Variants in KCNT1 observed in about 807,000 individuals in gnomAD.
KCNT1 encodes potassium channel subfamily T member 1.
Under a neutral mutation model 147.8 loss-of-function variants are expected in KCNT1, and 78 were observed. That is an observed-to-expected ratio of 0.53 (90% CI 0.44 to 0.64). The LOEUF (loss-of-function observed/expected upper bound fraction) is 0.64, where lower values mean the gene tolerates loss of function less well. Ranked by LOEUF, KCNT1 falls within the 30% of genes least tolerant of loss-of-function variation. The probability of loss-of-function intolerance (pLI) is 0.00; values close to 1 mark genes in which losing one functional copy is unlikely to be tolerated. For synonymous variants in KCNT1, 867 were observed against 748.8 expected, an observed-to-expected ratio of 1.16 and a Z score of -2.58; for missense variants, 1,419 against 1,750.3, an observed-to-expected ratio of 0.81 and a Z score of 3.38.
Position 135,765,749 on chromosome 9 carries a change from C to A in KCNT1, c.1326C>A (p.Leu442=), listed in dbSNP as rs200910140. The A allele has an allele frequency of 8.0e-5, 127 of 1,596,142 alleles. No individual in the cohort carries two copies. Among genetic ancestry groups the A allele is most frequent in the Non-Finnish European group, 3.4e-5 (40 of 1,167,680 alleles). Residue 442 remains leucine, a synonymous_variant, in exon 13 of 31, where the codon CTC becomes CTA. Transcript: ENST00000371757. ...GCTCTGCACTCAAAGACCAGGACCT[C>A]ATGCGAGCCAAGTGAGTGCTGGTGG... ...LQGSALKDQD[L]MRAKMDNGEA... is the part of the protein sequence containing the mutation.
intron 1 of KCNT1, among the ~76,000 whole-genome samples, chr9:135,705,932 G>A (rs1327216654): frequency 6.6e-6 from 1 of 152,104 alleles, no homozygotes; most frequent in Non-Finnish European, 1.5e-5. Context: ...GAGGAGGGTG[G>A]CCTCACTGGA....
intron 24 of KCNT1, among the ~76,000 whole-genome samples, chr9:135,783,411 C>T (rs998441): frequency 0.12 from 17,682 of 152,240 alleles, 1,339 homozygotes; most frequent in South Asian, 0.18. Flanking sequence ...CCAGAGGGAG[C>T]GGGGCCCTGC....
chr9:135,727,536 G>A (rs1040709900), intron 2 of KCNT1, among the ~76,000 whole-genome samples: 19 of 151,878 alleles, frequency 1.3e-4, no homozygotes, highest in African/African-American at 4.1e-4. Context: ...GGCCCAGCCC[G>A]AGGGGCCTGG....
chr9:135,702,264 ACT>A lies in KCNT1; in HGVS notation c.8_9del (p.Leu3ProfsTer2). The A allele has an allele frequency of 1.2e-6, 2 of 1,606,098 alleles. No individual in the cohort carries two copies. The highest frequency in any genetic ancestry group is 1.7e-6 in the Non-Finnish European group (2 of 1,176,382). MP[L>X]PDGARTPGGV... ...GGTCCGAGCTGCCAGGCCGCATGCC[ACT>A]CCCTGACGGGGCGCGGACCCCGGGG... On this transcript the variant is annotated frameshift_variant, in exon 1 of 31. Coordinates refer to ENST00000371757, the MANE Select transcript of KCNT1 (RefSeq NM_020822.3). LOFTEE classifies it high-confidence loss of function.
chr9:135,759,634 C>T (rs1237695402), intron 10 of KCNT1, 45 bp from the exon 11 acceptor site: 4 of 1,549,524 alleles, frequency 2.6e-6, no homozygotes, highest in Admixed American at 1.9e-5. Context: ...CCACGGCCCC[C>T]CAGCTCCTGG....
At chr9:135,786,004 C>T (rs1564393408) in intron 28 of KCNT1, 193 bp from the exon 29 acceptor site, 16 of 598,612 alleles carry the variant, frequency 2.7e-5, no homozygotes, top group Non-Finnish European at 3.8e-5. Context: ...GGAAACCAGG[C>T]ACATTCTTTC....
intron 28 of KCNT1, 115 bp downstream of exon 28, chr9:135,785,445 G>A (rs1384724270): frequency 1.6e-6 from 2 of 1,266,078 alleles, no homozygotes; most frequent in East Asian, 6.3e-5. Flanking sequence ...CCCTGGGAAA[G>A]CCGAGGCAGG....
intron 17 of KCNT1, 30 bp from the exon 18 acceptor site, chr9:135,770,827 G>A (rs1329364394): frequency 1.3e-6 from 2 of 1,535,926 alleles, no homozygotes; most frequent in Admixed American, 2.0e-5. Flanking sequence ...GTGAGCGGCG[G>A]TACCTGAAGT....
chr9:135,769,272 GT>G, intron 15 of KCNT1, among the ~76,000 whole-genome samples: 2 of 116,298 alleles, frequency 1.7e-5, no homozygotes, highest in Non-Finnish European at 3.6e-5. Context: ...TGTGCATGCT[GT>G]TGGGTGATGG....
At chr9:135,754,933 G>A (rs1831386954) in intron 5 of KCNT1, among the ~76,000 whole-genome samples, 188 bp from the exon 6 acceptor site, 1 of 152,150 alleles carries the variant, frequency 6.6e-6, no homozygotes, top group Non-Finnish European at 1.5e-5. Context: ...CTCCTCTCTT[G>A]GGGAACCTTC....
chr9:135,761,847 C>T (rs1831933564), intron 11 of KCNT1, among the ~76,000 whole-genome samples: 1 of 152,238 alleles, frequency 6.6e-6, no homozygotes, highest in Non-Finnish European at 1.5e-5. Flanking sequence ...GGCCCACGGC[C>T]CAGCCACACG....
intron 2 of KCNT1, among the ~76,000 whole-genome samples, chr9:135,746,532 G>A (rs1364570561): frequency 6.6e-6 from 1 of 152,242 alleles, no homozygotes; most frequent in East Asian, 1.9e-4. Context: ...GGGCAGGGTT[G>A]CATCTCTCTG....
intron 4 of KCNT1, among the ~76,000 whole-genome samples, chr9:135,751,437 G>T (rs1831161907): frequency 6.6e-6 from 1 of 152,050 alleles, no homozygotes; most frequent in Non-Finnish European, 1.5e-5. Context: ...GTTTCTGGGG[G>T]TGTCTTCTAC....
intron 2 of KCNT1, among the ~76,000 whole-genome samples, chr9:135,720,480 G>A (rs1737365625): frequency 6.6e-6 from 1 of 152,078 alleles, no homozygotes; most frequent in African/African-American, 2.4e-5. Context: ...TTGCATAAGT[G>A]CCCTCCTCCT....
intron 24 of KCNT1, among the ~76,000 whole-genome samples, 200 bp downstream of exon 24, chr9:135,779,670 GT>G (rs1165224097): frequency 5.9e-5 from 9 of 152,248 alleles, no homozygotes; most frequent in African/African-American, 1.9e-4. Flanking sequence ...GAGGCAGGGC[GT>G]TTCCCTGACC....
chr9:135,754,752 T>C (rs1831377821), intron 5 of KCNT1, among the ~76,000 whole-genome samples: 1 of 152,234 alleles, frequency 6.6e-6, no homozygotes, highest in African/African-American at 2.4e-5. Context: ...AAAAACAGGC[T>C]ACCCAGTCTG....
chr9:135,734,647 A>G lies in KCNT1; in HGVS notation c.255-15451A>G, dbSNP rs555172740. 2.0e-5 allele frequency among the ~76,000 whole-genome samples: 3 copies of G among 152,242 alleles called. No homozygotes were observed. In the East Asian group the frequency reaches 5.8e-4, roughly 29 times the overall value. On this transcript the variant is annotated intron_variant, in intron 2 of 30. Transcript: ENST00000371757. ...CCACGAGTAAGTGAAGACCCACTGC[A>G]CTCTCGAAAAGCAGGAACGGAAAAA...
At chr9:135,764,898 T>C (rs369531638) in intron 11 of KCNT1, 133 bp from the exon 12 acceptor site, 3 of 822,212 alleles carry the variant, frequency 3.6e-6, no homozygotes, top group Admixed American at 2.7e-5. Flanking sequence ...GCCCCCCTAA[T>C]GTAGGTGTCA....
At chr9:135,712,620 C>T (rs931034957) in intron 1 of KCNT1, among the ~76,000 whole-genome samples, 1 of 152,174 alleles carries the variant, frequency 6.6e-6, no homozygotes, top group Non-Finnish European at 1.5e-5. Context: ...CAACCAGACC[C>T]CGAGGACACG....
Sources: allele counts gnomAD v4.1 joint callset (sites outside exome capture counted in the v4.1 genomes callset), GRCh38; gene constraint gnomAD v4.1.1; transcripts MANE v1.5; gene names NCBI Gene and HGNC (gene_info 2026-07-23, HGNC 2026-07-21).